MCU: variants seen among roughly 807,000 people sequenced by gnomAD.
MCU encodes the protein mitochondrial calcium uniporter.
Under a neutral mutation model 45.2 loss-of-function variants are expected in MCU, and 12 were observed. The ratio of observed to expected loss-of-function variants is 0.27; its 90% CI spans 0.17 to 0.43. MCU has a LOEUF of 0.43. Among genes scored for constraint, MCU ranks in the 20% least tolerant of loss-of-function variants. The probability of loss-of-function intolerance (pLI) is 1.00; values close to 1 mark genes in which losing one functional copy is unlikely to be tolerated. For synonymous variants in MCU, 160 were observed against 165.1 expected, an observed-to-expected ratio of 0.97 and a Z score of 0.24; for missense variants, 324 against 436.7, an observed-to-expected ratio of 0.74 and a Z score of 2.30.
rs559793601 is a variant in MCU, at chr10:72,761,485, G to A, written c.150+69184G>A. On this transcript the variant is annotated intron_variant, in intron 1 of 7. Coordinates refer to ENST00000373053, the MANE Select transcript of MCU (RefSeq NM_138357.3). ...AGAATACCTTTTCTCACCTTGTCACGTGATGGTACTTTTTGGTATTTTATG... is the reference window on the plus strand; with the variant it reads ...AGAATACCTTTTCTCACCTTGTCACATGATGGTACTTTTTGGTATTTTATG... Among the ~76,000 whole-genome samples, 67 of 152,270 alleles carry A rather than the reference G, an allele frequency of 4.4e-4. No individual in the cohort carries two copies. The South Asian group carries it at 0.013, about 29-fold the overall frequency.
At chr10:72,775,005 A>G (rs1843869077) in intron 1 of MCU, among the ~76,000 whole-genome samples, 2 of 152,098 alleles carry the variant, frequency 1.3e-5, no homozygotes, top group South Asian at 4.1e-4. Context: ...CAGACAGAAA[A>G]ATCAAGAAAC....
chr10:72,831,074 T>A (rs1232559696), intron 1 of MCU, among the ~76,000 whole-genome samples: 1 of 152,174 alleles, frequency 6.6e-6, no homozygotes, highest in Non-Finnish European at 1.5e-5. Context: ...GCAGTGAACA[T>A]AGAGTCCATT....
chr10:72,823,864 A>G (rs1230147705), intron 1 of MCU, among the ~76,000 whole-genome samples: 1 of 152,114 alleles, frequency 6.6e-6, no homozygotes, highest in Non-Finnish European at 1.5e-5. Flanking sequence ...GTTCAAGACC[A>G]GCCCTGGCAA....
intron 1 of MCU, among the ~76,000 whole-genome samples, chr10:72,733,637 C>T (rs1230968455): frequency 1.3e-5 from 2 of 150,840 alleles, no homozygotes; most frequent in Non-Finnish European, 2.9e-5. Context: ...CAGTGCTTGG[C>T]ACATAACGAG....
intron 4 of MCU, 137 bp from the exon 5 acceptor site, chr10:72,868,566 A>AG (rs1845493296): frequency 5.6e-6 from 4 of 716,872 alleles, no homozygotes; most frequent in Admixed American, 3.0e-5. Context: ...AAAAAAAAAA[A>AG]AGAGAGCTAT....
intron 1 of MCU, among the ~76,000 whole-genome samples, chr10:72,832,932 CTATGTGTGTG>C (rs976356641): frequency 8.8e-5 from 5 of 57,124 alleles, no homozygotes; most frequent in African/African-American, 1.9e-4. Flanking sequence ...AAACCAATAG[CTATGTGTGTG>C]TGTGTGTGTG....
chr10:72,866,019 C>T (rs529263829), intron 4 of MCU, among the ~76,000 whole-genome samples: 8 of 150,034 alleles, frequency 5.3e-5, no homozygotes, highest in South Asian at 2.1e-4. Flanking sequence ...CCTCGTGATC[C>T]GCCCTCCTTG....
chr10:72,850,605 C>T (rs1406532930), intron 2 of MCU, among the ~76,000 whole-genome samples: 1 of 152,178 alleles, frequency 6.6e-6, no homozygotes, highest in East Asian at 1.9e-4. Flanking sequence ...CTCCTGATGC[C>T]TCAAAGGCAT....
intron 2 of MCU, among the ~76,000 whole-genome samples, chr10:72,843,988 ACAC>A (rs1447861234): frequency 1.3e-5 from 2 of 152,202 alleles, no homozygotes; most frequent in Non-Finnish European, 2.9e-5. Flanking sequence ...GCAGCAGCTC[ACAC>A]CTGTAATCCT....
intron 1 of MCU, among the ~76,000 whole-genome samples, chr10:72,742,473 A>G (rs1165051109): frequency 6.6e-6 from 1 of 152,156 alleles, no homozygotes; most frequent in Non-Finnish European, 1.5e-5. Context: ...ATTTTTATGT[A>G]TCATTCAGCT....
intron 2 of MCU, among the ~76,000 whole-genome samples, chr10:72,835,266 T>C (rs1423297625): frequency 6.6e-6 from 1 of 152,228 alleles, no homozygotes; most frequent in Non-Finnish European, 1.5e-5. Context: ...CAAACCTTTG[T>C]TGTTTTTATG....
chr10:72,717,127 C>CTTTTT (rs71021527), intron 1 of MCU, among the ~76,000 whole-genome samples: 2,386 of 138,314 alleles, frequency 0.017, 60 homozygotes, highest in African/African-American at 0.06. Context: ...CTCTCTCTCT[C>CTTTTT]TTTTTTTTTT....
chr10:72,717,570 T>G (rs1386885439), intron 1 of MCU, among the ~76,000 whole-genome samples: 5 of 152,150 alleles, frequency 3.3e-5, no homozygotes, highest in Non-Finnish European at 7.3e-5. Flanking sequence ...GGATTGCTTC[T>G]TAATGAGTCA....
chr10:72,718,268 A>G (rs914460782), intron 1 of MCU, among the ~76,000 whole-genome samples: 4 of 152,056 alleles, frequency 2.6e-5, no homozygotes, highest in African/African-American at 9.7e-5. Flanking sequence ...AGGTGTTGGG[A>G]AAAAAAATTG....
At chr10:72,782,578 G>T (rs1844011522) in intron 1 of MCU, among the ~76,000 whole-genome samples, 1 of 152,140 alleles carries the variant, frequency 6.6e-6, no homozygotes, top group African/African-American at 2.4e-5. Flanking sequence ...CGCCATGTTG[G>T]CCAATCTAGT....
At chr10:72,817,555 G>A (rs1421678883) in intron 1 of MCU, among the ~76,000 whole-genome samples, 3 of 152,128 alleles carry the variant, frequency 2.0e-5, no homozygotes, top group East Asian at 1.9e-4. Flanking sequence ...CTATAAATGA[G>A]CATTAATTAA....
At chr10:72,785,335 CT>C (rs947151796) in intron 1 of MCU, among the ~76,000 whole-genome samples, 34 of 152,200 alleles carry the variant, frequency 2.2e-4, no homozygotes, top group African/African-American at 8.2e-4. Context: ...CTGCTGCCCC[CT>C]ACCACTTAGG....
intron 1 of MCU, among the ~76,000 whole-genome samples, chr10:72,802,228 C>T (rs1391958956): frequency 6.6e-6 from 1 of 152,096 alleles, no homozygotes; most frequent in Non-Finnish European, 1.5e-5. Flanking sequence ...TTCCCTGCCT[C>T]CTTTTAAACG....
chr10:72,763,289 C>T lies in MCU; in HGVS notation c.150+70988C>T, dbSNP rs144377340. Reference sequence around the variant, plus strand: ...GACACATTTTGGGGTCCTTATTTCACCTACCATACTAAGGAAATATCAAAG... The same window carrying T: ...GACACATTTTGGGGTCCTTATTTCATCTACCATACTAAGGAAATATCAAAG... On this transcript the variant is annotated intron_variant, in intron 1 of 7. Coordinates refer to ENST00000373053, the MANE Select transcript of MCU (RefSeq NM_138357.3). 4.5e-3 allele frequency among the ~76,000 whole-genome samples: 683 copies of T among 152,190 alleles called. 5 individuals are homozygous for T. Among genetic ancestry groups the T allele is most frequent in the African/African-American group, 0.016 (650 of 41,524 alleles).
Sources: allele counts gnomAD v4.1 joint callset (sites outside exome capture counted in the v4.1 genomes callset), GRCh38; gene constraint gnomAD v4.1.1; transcripts MANE v1.5; gene names NCBI Gene and HGNC (gene_info 2026-07-23, HGNC 2026-07-21).